Variants in KCNQ3 observed in about 807,000 individuals in gnomAD.
KCNQ3 encodes potassium voltage-gated channel subfamily Q member 3.
A neutral mutation model predicts 92.5 loss-of-function variants in KCNQ3; 30 were observed. The ratio of observed to expected loss-of-function variants is 0.32; its 90% CI spans 0.24 to 0.44. The LOEUF is 0.44. KCNQ3 is among the 20% of genes least tolerant of loss of function. The probability of loss-of-function intolerance (pLI) is 1.00; values close to 1 mark genes in which losing one functional copy is unlikely to be tolerated. For synonymous variants in KCNQ3, 450 were observed against 468.8 expected, an observed-to-expected ratio of 0.96 and a Z score of 0.52; for missense variants, 913 against 1,140.3, an observed-to-expected ratio of 0.80 and a Z score of 2.87.
At chr8:132,275,127 G>C (rs1816283062) in intron 1 of KCNQ3, among the ~76,000 whole-genome samples, 1 of 152,100 alleles carries the variant, frequency 6.6e-6, no homozygotes, top group East Asian at 1.9e-4. Context: ...CTTTTGGAAT[G>C]GCATTTGTTG....
rs375304398 is a variant in KCNQ3, at chr8:132,187,838, T to C, written c.387-1657A>G. Among the ~76,000 whole-genome samples the C allele has an allele frequency of 2.9e-3, 364 of 124,640 alleles. 12 individuals carry two copies. The East Asian group carries it at 0.058, about 20-fold the overall frequency. 81.8% of individuals were successfully genotyped at this position (124,640 alleles called of 152,430 possible). A position where few individuals can be genotyped will look rare whatever the true frequency, so the allele number is the denominator to read the frequency against. The stretch of plus-strand genomic sequence containing the variant: ...GTGGTGGTGGTGGTGGTGATTGTGG[T>C]GGTGGTGGTGGTAGTGATGGTGGTG... On this transcript the variant is annotated intron_variant, in intron 1 of 14. Coordinates refer to ENST00000388996, the MANE Select transcript of KCNQ3 (RefSeq NM_004519.4).
chr8:132,283,648 A>G (rs2130535657), intron 1 of KCNQ3, among the ~76,000 whole-genome samples: 1 of 152,332 alleles, frequency 6.6e-6, no homozygotes, highest in Admixed American at 6.5e-5. Context: ...TCGGTACCCT[A>G]TGCCAGGTTA....
intron 1 of KCNQ3, among the ~76,000 whole-genome samples, chr8:132,228,668 G>GTT: frequency 6.6e-6 from 1 of 151,604 alleles, no homozygotes; most frequent in Admixed American, 6.6e-5. Context: ...GGTTCAGTAT[G>GTT]TTTTTGGGGG....
intron 1 of KCNQ3, among the ~76,000 whole-genome samples, chr8:132,336,072 T>C (rs903679573): frequency 6.6e-6 from 1 of 152,204 alleles, no homozygotes; most frequent in African/African-American, 2.4e-5. Flanking sequence ...GGGAAATTAA[T>C]CTGTGTTCTC....
At position 132,363,646 on chromosome 8, in the gene KCNQ3, G is replaced by A. The variant is rs146741060; in HGVS notation, c.386+116501C>T. On this transcript the variant is annotated intron_variant, in intron 1 of 14. Transcript: ENST00000388996. The stretch of plus-strand genomic sequence containing the variant: ...AAGCAGTGATCTGATTCTGTAGTAC[G>A]CTGTCACCATCCACCCTGGATGCCA... 5.3e-5 allele frequency among the ~76,000 whole-genome samples: 8 copies of A among 151,952 alleles called. No homozygotes were observed. In the East Asian group the frequency reaches 7.8e-4, roughly 15 times the overall value.
At chr8:132,399,412 G>T (rs1469113251) in intron 1 of KCNQ3, among the ~76,000 whole-genome samples, 2 of 152,088 alleles carry the variant, frequency 1.3e-5, no homozygotes, top group Admixed American at 1.3e-4. Context: ...GTGTTTCTTG[G>T]TTTCCAGTCT....
chr8:132,205,369 T>C (rs1436824676), intron 1 of KCNQ3, among the ~76,000 whole-genome samples: 1 of 152,268 alleles, frequency 6.6e-6, no homozygotes, highest in African/African-American at 2.4e-5. Context: ...GCTTGCGCTA[T>C]GGATGGTATT....
intron 1 of KCNQ3, among the ~76,000 whole-genome samples, chr8:132,422,363 G>C (rs1180319462): frequency 6.6e-6 from 1 of 152,074 alleles, no homozygotes; most frequent in African/African-American, 2.4e-5. Flanking sequence ...TCCAGTGATC[G>C]CTGACCTGGT....
intron 3 of KCNQ3, among the ~76,000 whole-genome samples, chr8:132,182,488 C>G (rs1826818396): frequency 6.6e-6 from 1 of 152,228 alleles, no homozygotes; most frequent in African/African-American, 2.4e-5. Context: ...GAGGCCCAGC[C>G]TCATCTCCCC....
rs1287998802 is a variant in KCNQ3, at chr8:132,126,201, AT to A, written c.*3060del. On this transcript the variant is annotated 3_prime_UTR_variant, in exon 15 of 15. Coordinates refer to ENST00000388996, the MANE Select transcript of KCNQ3 (RefSeq NM_004519.4). Reference sequence around the variant, plus strand: ...ATGGAGTTCTGCTGAAACGATTGCAATTTCTTGGGCAAGTTTCAGAACGACT... The same window carrying A: ...ATGGAGTTCTGCTGAAACGATTGCAATTCTTGGGCAAGTTTCAGAACGACT... 6.6e-6 allele frequency: 1 copy of A among 152,174 alleles called. No homozygotes were observed. The highest frequency in any genetic ancestry group is 1.5e-5 in the Non-Finnish European group (1 of 68,032). 9.4% of individuals were successfully genotyped at this position (152,174 alleles called of 1,614,324 possible). A position where few individuals can be genotyped will look rare whatever the true frequency, so the allele number is the denominator to read the frequency against.
At chr8:132,235,963 C>G (rs1029609323) in intron 1 of KCNQ3, among the ~76,000 whole-genome samples, 2 of 152,190 alleles carry the variant, frequency 1.3e-5, no homozygotes, top group Non-Finnish European at 2.9e-5. Flanking sequence ...CGGGAGTGGG[C>G]TCCATGCTGG....
At chr8:132,189,414 C>A (rs1248855484) in intron 1 of KCNQ3, among the ~76,000 whole-genome samples, 1 of 152,212 alleles carries the variant, frequency 6.6e-6, no homozygotes, top group Non-Finnish European at 1.5e-5. Context: ...CAACACCTGA[C>A]AATAGGACTC....
chr8:132,387,786 A>G (rs566286704), intron 1 of KCNQ3, among the ~76,000 whole-genome samples: 1 of 152,276 alleles, frequency 6.6e-6, no homozygotes, highest in Admixed American at 6.5e-5. Flanking sequence ...GGATCTCTTG[A>G]GTCCAGGAGT....
chr8:132,243,557 C>A (rs1417595257), intron 1 of KCNQ3, among the ~76,000 whole-genome samples: 1 of 152,092 alleles, frequency 6.6e-6, no homozygotes, highest in Non-Finnish European at 1.5e-5. Context: ...TTTTCTTATC[C>A]CTGTATGAAG....
intron 1 of KCNQ3, among the ~76,000 whole-genome samples, chr8:132,257,326 C>T (rs555143628): frequency 9.2e-5 from 14 of 151,930 alleles, no homozygotes; most frequent in Non-Finnish European, 1.2e-4. Context: ...GGAGGACCAA[C>T]GAAGATGTTA....
chr8:132,289,919 A>C (rs1816793311), intron 1 of KCNQ3, among the ~76,000 whole-genome samples: 1 of 152,120 alleles, frequency 6.6e-6, no homozygotes, highest in Non-Finnish European at 1.5e-5. Flanking sequence ...CAAAATCTTC[A>C]AATAGAGCTA....
intron 1 of KCNQ3, among the ~76,000 whole-genome samples, chr8:132,284,117 G>C (rs1173218701): frequency 6.6e-6 from 1 of 152,174 alleles, no homozygotes; most frequent in Non-Finnish European, 1.5e-5. Context: ...CCACTCTGCT[G>C]TTAATAATAT....
chr8:132,388,229 T>G (rs548343067), intron 1 of KCNQ3, among the ~76,000 whole-genome samples: 1 of 152,224 alleles, frequency 6.6e-6, no homozygotes, highest in African/African-American at 2.4e-5. Flanking sequence ...GCATAGTCGT[T>G]GTTTGCTCGT....
chr8:132,279,752 A>G (rs1342382311), intron 1 of KCNQ3, among the ~76,000 whole-genome samples: 2 of 152,224 alleles, frequency 1.3e-5, no homozygotes, highest in South Asian at 2.1e-4. Context: ...ACACACATCT[A>G]TGATCATATC....
Sources: gnomAD v4.1 joint callset for allele counts (sites outside exome capture counted in the v4.1 genomes callset) on GRCh38, gnomAD v4.1.1 for gene constraint, MANE v1.5 for transcripts, NCBI Gene and HGNC (gene_info 2026-07-23, HGNC 2026-07-21) for gene names.